CAMKMT: variants seen among roughly 807,000 people sequenced by gnomAD.
CAMKMT encodes the protein CaM KMT.
Under a neutral mutation model 48.0 loss-of-function variants are expected in CAMKMT, and 53 were observed. The observed-to-expected ratio is 1.10, with a 90% CI of 0.89 to 1.39. The LOEUF is 1.39. Among genes scored for constraint, CAMKMT ranks in the 40% most tolerant of loss-of-function variants. CAMKMT has a pLI of 0.00. For synonymous variants in CAMKMT, 165 were observed against 152.3 expected (o/e 1.08, Z -0.61); for missense variants, 428 against 402.7 (o/e 1.06, Z -0.54).
intron 3 of CAMKMT, among the ~76,000 whole-genome samples, chr2:44,600,776 A>C (rs1279344528): frequency 6.6e-6 from 1 of 152,058 alleles, no homozygotes; most frequent in Non-Finnish European, 1.5e-5. Flanking sequence ...TAATGTTTAA[A>C]ATTTCTTTAG....
At chr2:44,558,034 T>TTC (rs1668109989) in intron 3 of CAMKMT, among the ~76,000 whole-genome samples, 3 of 143,888 alleles carry the variant, frequency 2.1e-5, no homozygotes, top group African/African-American at 2.9e-5. Context: ...TTTATTTATT[T>TTC]ATTCATTCAT....
At chr2:44,684,302 C>G (rs1356530111) in intron 3 of CAMKMT, among the ~76,000 whole-genome samples, 1 of 152,158 alleles carries the variant, frequency 6.6e-6, no homozygotes, top group Non-Finnish European at 1.5e-5. Context: ...GGGCTGATAA[C>G]AATATAACAG....
At chr2:44,412,342 G>A (rs1344371842) in intron 3 of CAMKMT, among the ~76,000 whole-genome samples, 1 of 151,956 alleles carries the variant, frequency 6.6e-6, no homozygotes, top group Non-Finnish European at 1.5e-5. Context: ...TTGTTTGTTT[G>A]TTTTTGTTTT....
At chr2:44,659,860 T>C (rs919782150) in intron 3 of CAMKMT, among the ~76,000 whole-genome samples, 1 of 152,150 alleles carries the variant, frequency 6.6e-6, no homozygotes, top group Non-Finnish European at 1.5e-5. Flanking sequence ...ATCTGAAGAA[T>C]AGCACACATT....
chr2:44,419,397 C>G lies in CAMKMT; in HGVS notation c.376+29092C>G, dbSNP rs114921231. 3.6e-3 allele frequency among the ~76,000 whole-genome samples: 544 copies of G among 152,270 alleles called. 3 individuals carry two copies. The highest frequency in any genetic ancestry group is 0.013 in the African/African-American group (524 of 41,542). ...GATGGCAGCTTCCTGATCCCTAAAT[C>G]TCAGGTATGTATTCTTGAACTCAGC... On this transcript the variant is annotated intron_variant, in intron 3 of 10. Transcript: ENST00000378494.
At position 44,614,850 on chromosome 2, in the gene CAMKMT, C is replaced by T. The variant is rs79532996; in HGVS notation, c.377-89433C>T. On this transcript the variant is annotated intron_variant, in intron 3 of 10. Transcript: ENST00000378494. ...CAATTTGCTTCTTTTTCTTTTGCAT[C>T]ATCAGTCTGCTACTACTGTCCCGTG... Among the ~76,000 whole-genome samples the T allele has an allele frequency of 3.1e-3, 462 of 150,266 alleles. 1 individual carries two copies. Among genetic ancestry groups the T allele is most frequent in the Middle Eastern group, 0.014 (4 of 290 alleles).
At chr2:44,646,091 A>G (rs1453013124) in intron 3 of CAMKMT, among the ~76,000 whole-genome samples, 2 of 152,250 alleles carry the variant, frequency 1.3e-5, no homozygotes, top group Non-Finnish European at 2.9e-5. Flanking sequence ...AACTGATTGT[A>G]GAACAGTCAG....
chr2:44,620,053 A>G (rs1672092100), intron 3 of CAMKMT, among the ~76,000 whole-genome samples: 1 of 152,164 alleles, frequency 6.6e-6, no homozygotes, highest in Admixed American at 6.5e-5. Context: ...AATTTTTTCC[A>G]TAAATATTTC....
chr2:44,516,095 A>G (rs1381554061), intron 3 of CAMKMT, among the ~76,000 whole-genome samples: 2 of 152,198 alleles, frequency 1.3e-5, no homozygotes, highest in Non-Finnish European at 2.9e-5. Flanking sequence ...GGTGAAATGT[A>G]CCAGGGGTGC....
chr2:44,424,790 A>G (rs1224523212), intron 3 of CAMKMT, among the ~76,000 whole-genome samples: 1 of 152,192 alleles, frequency 6.6e-6, no homozygotes, highest in African/African-American at 2.4e-5. Context: ...GTAAGGGATA[A>G]AAGACTACAA....
At chr2:44,598,923 A>G (rs1409397590) in intron 3 of CAMKMT, among the ~76,000 whole-genome samples, 1 of 151,774 alleles carries the variant, frequency 6.6e-6, no homozygotes, top group East Asian at 1.9e-4. Flanking sequence ...AGATTGAGTA[A>G]TCACACGTGT....
At chr2:44,541,518 T>G (rs1427961093) in intron 3 of CAMKMT, among the ~76,000 whole-genome samples, 1 of 152,186 alleles carries the variant, frequency 6.6e-6, no homozygotes, top group Non-Finnish European at 1.5e-5. Flanking sequence ...TTTCTGAATA[T>G]AATTTTATAT....
In CAMKMT at chr2:44,473,039, A is replaced by AG. The variant is rs1668505523; in HGVS notation, c.376+82735dup. ...TCCATTACAACGTGTCTAAATGGAT[A>AG]GTTCTACCATGATGTTTCTTTCAAT... On this transcript the variant is annotated intron_variant, in intron 3 of 10. Transcript: ENST00000378494. Among the ~76,000 whole-genome samples, 3 of 152,220 alleles carry AG rather than the reference A, an allele frequency of 2.0e-5. No individual in the cohort carries two copies. In the South Asian group the frequency reaches 6.2e-4, roughly 32 times the overall value.
intron 7 of CAMKMT, among the ~76,000 whole-genome samples, chr2:44,722,041 G>A (rs538815540): frequency 2.8e-4 from 43 of 152,106 alleles, no homozygotes; most frequent in Non-Finnish European, 6.2e-4. Flanking sequence ...GCTTAAAATA[G>A]TGTTTTTAAG....
At chr2:44,492,296 G>C (rs1669545424) in intron 3 of CAMKMT, among the ~76,000 whole-genome samples, 1 of 151,986 alleles carries the variant, frequency 6.6e-6, no homozygotes, top group African/African-American at 2.4e-5. Context: ...GTGGTTAATA[G>C]TTTATTTCCT....
chr2:44,472,968 G>A (rs544984588), intron 3 of CAMKMT, among the ~76,000 whole-genome samples: 8 of 152,202 alleles, frequency 5.3e-5, no homozygotes, highest in East Asian at 1.9e-4. Context: ...AGTTACCAGC[G>A]TGAGGAATAA....
intron 3 of CAMKMT, among the ~76,000 whole-genome samples, chr2:44,466,823 A>G (rs898800792): frequency 2.6e-5 from 4 of 152,350 alleles, no homozygotes; most frequent in Middle Eastern, 3.4e-3. Context: ...GAAAGAGCAG[A>G]CAAAACAACG....
chr2:44,596,133 A>T (rs572001849), intron 3 of CAMKMT, among the ~76,000 whole-genome samples: 361 of 143,084 alleles, frequency 2.5e-3, no homozygotes, highest in African/African-American at 8.0e-3. Context: ...CTTATAATTT[A>T]AAAAAAAAAA....
intron 3 of CAMKMT, among the ~76,000 whole-genome samples, chr2:44,546,546 G>A (rs1043378388): frequency 1.3e-5 from 2 of 152,184 alleles, no homozygotes; most frequent in African/African-American, 4.8e-5. Flanking sequence ...CTACGGATCT[G>A]CAGCACTGCA....
Sources: gnomAD v4.1 joint callset for allele counts (sites outside exome capture counted in the v4.1 genomes callset) on GRCh38, gnomAD v4.1.1 for gene constraint, MANE v1.5 for transcripts, NCBI Gene and HGNC (gene_info 2026-07-23, HGNC 2026-07-21) for gene names.